The following TNNI3K variants were observed in gnomAD, a reference collection of about 807,000 sequenced individuals.
TNNI3K encodes the protein serine/threonine-protein kinase TNNI3K.
Under a neutral mutation model 114.5 loss-of-function variants are expected in TNNI3K, and 140 were observed. The ratio of observed to expected loss-of-function variants is 1.22; its 90% CI spans 1.07 to 1.41. The LOEUF (loss-of-function observed/expected upper bound fraction) is 1.41, where lower values mean the gene tolerates loss of function less well. Ranked by LOEUF, TNNI3K falls within the 40% of genes most tolerant of loss-of-function variation. The pLI, the probability that TNNI3K is intolerant of heterozygous loss-of-function variation, is 0.00. For synonymous variants in TNNI3K, 347 were observed against 347.5 expected (o/e 1.00, Z 0.02); for missense variants, 1,125 against 1,007.6 (o/e 1.12, Z -1.58).
chr1:74,265,742 G>A (rs1655938064), intron 4 of TNNI3K, among the ~76,000 whole-genome samples: 1 of 151,944 alleles, frequency 6.6e-6, no homozygotes, highest in Non-Finnish European at 1.5e-5. Flanking sequence ...TGATACAATT[G>A]TATCTTCATT....
At chr1:74,417,483 CTCT>C (rs1265495200) in intron 17 of TNNI3K, among the ~76,000 whole-genome samples, 9 of 152,212 alleles carry the variant, frequency 5.9e-5, no homozygotes, top group East Asian at 3.9e-4. Context: ...TCTCCCTAAT[CTCT>C]TCTTCTCTCT....
intron 17 of TNNI3K, among the ~76,000 whole-genome samples, chr1:74,402,699 T>A (rs958640968): frequency 2.0e-5 from 3 of 152,200 alleles, no homozygotes; most frequent in Non-Finnish European, 4.4e-5. Context: ...GTTCTTGTGG[T>A]TGTAGGACTG....
At chr1:74,525,406 A>G (rs1646490247) in intron 23 of TNNI3K, among the ~76,000 whole-genome samples, 1 of 152,208 alleles carries the variant, frequency 6.6e-6, no homozygotes, top group South Asian at 2.1e-4. Context: ...TAAGGACAGC[A>G]GCTAGGAAGT....
intron 17 of TNNI3K, among the ~76,000 whole-genome samples, chr1:74,405,760 A>G (rs1186195067): frequency 6.6e-6 from 1 of 152,202 alleles, no homozygotes; most frequent in Non-Finnish European, 1.5e-5. Context: ...GGCTCCCTGT[A>G]AACAGCTTTT....
chr1:74,422,156 C>T (rs2100637364), intron 17 of TNNI3K, among the ~76,000 whole-genome samples: 2 of 151,892 alleles, frequency 1.3e-5, no homozygotes, highest in Admixed American at 1.3e-4. Flanking sequence ...GAGATTTCTA[C>T]CTAAGGTTAT....
At chr1:74,237,494 G>A (rs1250065967) in intron 2 of TNNI3K, among the ~76,000 whole-genome samples, 1 of 151,920 alleles carries the variant, frequency 6.6e-6, no homozygotes, top group Non-Finnish European at 1.5e-5. Flanking sequence ...AAAGGTCAAA[G>A]CCTCAGTTAT....
intron 23 of TNNI3K, among the ~76,000 whole-genome samples, chr1:74,494,916 G>A (rs1006913542): frequency 2.6e-5 from 4 of 151,930 alleles, no homozygotes; most frequent in African/African-American, 7.3e-5. Context: ...TACAATACAC[G>A]GAGAGCTACA....
intron 17 of TNNI3K, among the ~76,000 whole-genome samples, chr1:74,423,892 G>A (rs1557557336): frequency 6.6e-6 from 1 of 152,098 alleles, no homozygotes. Context: ...CCCGCACAGA[G>A]TAATACTTAT....
At chr1:74,353,780 T>A (rs1032707257) in intron 10 of TNNI3K, among the ~76,000 whole-genome samples, 200 bp from the exon 11 acceptor site, 3 of 152,172 alleles carry the variant, frequency 2.0e-5, no homozygotes, top group Non-Finnish European at 2.9e-5. Context: ...CTGTAGAAGG[T>A]TGAGTACAAT....
At chr1:74,377,292 C>T (rs974312000) in intron 17 of TNNI3K, 4 of 151,924 alleles carry the variant, frequency 2.6e-5, no homozygotes, top group African/African-American at 4.8e-5. Context: ...ATTTGTGTAT[C>T]GACTTACTCA....
chr1:74,424,945 G>T (rs938786681), intron 17 of TNNI3K, among the ~76,000 whole-genome samples: 2 of 152,078 alleles, frequency 1.3e-5, no homozygotes, highest in Non-Finnish European at 2.9e-5. Flanking sequence ...AAAGTAGTAA[G>T]AAGAGAGAAC....
intron 7 of TNNI3K, 104 bp from the exon 8 acceptor site, chr1:74,342,738 A>C: frequency 1.4e-6 from 2 of 1,416,512 alleles, no homozygotes; most frequent in South Asian, 2.8e-5. Flanking sequence ...GGCAATTTCC[A>C]GGAATCACTC....
At position 74,451,895 on chromosome 1, in the gene TNNI3K, G is replaced by A. The variant is rs1667045525; in HGVS notation, c.2012-11546G>A. 4.0e-5 allele frequency among the ~76,000 whole-genome samples: 6 copies of A among 151,402 alleles called. No homozygotes were observed. In the South Asian group the frequency reaches 1.3e-3, roughly 32 times the overall value. Reference sequence around the variant, plus strand: ...ATCTGCCATCACCCTAGTGCAAACTGCCAGCTTTATCATTTGAACTTCTGA... The same window carrying A: ...ATCTGCCATCACCCTAGTGCAAACTACCAGCTTTATCATTTGAACTTCTGA... On this transcript the variant is annotated intron_variant, in intron 20 of 24. Transcript: ENST00000326637.
At chr1:74,368,301 A>G (rs902125663) in intron 13 of TNNI3K, among the ~76,000 whole-genome samples, 2 of 151,892 alleles carry the variant, frequency 1.3e-5, no homozygotes, top group African/African-American at 2.4e-5. Context: ...GAAAAAATAT[A>G]TATTATTTTT....
intron 23 of TNNI3K, among the ~76,000 whole-genome samples, chr1:74,513,949 T>C (rs1187575751): frequency 6.6e-6 from 1 of 152,036 alleles, no homozygotes. Context: ...CTAAGGGGAG[T>C]AAATAATCTT....
At chr1:74,235,706 G>A (rs1417967598) in intron 1 of TNNI3K, among the ~76,000 whole-genome samples, 1 of 150,948 alleles carries the variant, frequency 6.6e-6, no homozygotes, top group African/African-American at 2.4e-5. Context: ...TATTATTTTA[G>A]TTCCTTGGTA....
At chr1:74,516,701 G>A (rs534011741) in intron 23 of TNNI3K, among the ~76,000 whole-genome samples, 1 of 152,216 alleles carries the variant, frequency 6.6e-6, no homozygotes, top group South Asian at 2.1e-4. Flanking sequence ...GCTTGGTTGA[G>A]GATGGCTTGT....
intron 20 of TNNI3K, among the ~76,000 whole-genome samples, chr1:74,453,480 A>G (rs1208701472): frequency 6.6e-6 from 1 of 152,316 alleles, no homozygotes; most frequent in African/African-American, 2.4e-5. Flanking sequence ...CATGACTGCA[A>G]AGTGAGACAG....
intron 7 of TNNI3K, among the ~76,000 whole-genome samples, chr1:74,338,409 T>C (rs907344851): frequency 1.3e-5 from 2 of 152,070 alleles, no homozygotes; most frequent in Non-Finnish European, 2.9e-5. Flanking sequence ...AATTTCTTTT[T>C]TTCGCTTTTC....
Sources: allele counts gnomAD v4.1 joint callset (sites outside exome capture counted in the v4.1 genomes callset), GRCh38; gene constraint gnomAD v4.1.1; transcripts MANE v1.5; gene names NCBI Gene and HGNC (gene_info 2026-07-23, HGNC 2026-07-21).